The following CA10 variants were observed in gnomAD, a reference collection of about 807,000 sequenced individuals.
The protein encoded by CA10 is carbonic anhydrase 10 (inactive).
In CA10, 14 loss-of-function variants were observed where a neutral mutation model predicts 44.2. The ratio of observed to expected loss-of-function variants is 0.32; its 90% CI spans 0.21 to 0.50. The LOEUF (loss-of-function observed/expected upper bound fraction) is 0.50. Among genes scored for constraint, CA10 ranks in the 20% least tolerant of loss-of-function variants. The pLI, the probability that CA10 is intolerant of heterozygous loss-of-function variation, is 0.99. For synonymous variants in CA10, 159 were observed against 141.6 expected (o/e 1.12, Z -0.87); for missense variants, 350 against 409.7 (o/e 0.85, Z 1.26).
chr17:51,948,821 G>A (rs1598134359), intron 2 of CA10, among the ~76,000 whole-genome samples: 1 of 151,996 alleles, frequency 6.6e-6, no homozygotes, highest in East Asian at 1.9e-4. Flanking sequence ...TTGTAACAGA[G>A]TTACACAGAT....
At chr17:51,824,271 C>T (rs569131616) in intron 3 of CA10, among the ~76,000 whole-genome samples, 132 of 152,202 alleles carry the variant, frequency 8.7e-4, no homozygotes, top group Non-Finnish European at 1.7e-3. Flanking sequence ...CAGATCTGAG[C>T]CAGGATTTAA....
chr17:51,896,396 C>G (rs1981069582), intron 3 of CA10, among the ~76,000 whole-genome samples: 1 of 152,044 alleles, frequency 6.6e-6, no homozygotes. Context: ...TCAGCTCTAT[C>G]CATGTTACTG....
chr17:51,801,977 G>A (rs369652931), intron 3 of CA10, among the ~76,000 whole-genome samples: 1 of 152,198 alleles, frequency 6.6e-6, no homozygotes, highest in African/African-American at 2.4e-5. Flanking sequence ...AGGAGGTGCA[G>A]GGTGTGGTCT....
intron 3 of CA10, among the ~76,000 whole-genome samples, chr17:51,854,361 C>A (rs965146718): frequency 1.3e-5 from 2 of 152,186 alleles, no homozygotes; most frequent in Admixed American, 1.3e-4. Flanking sequence ...CATTGGGAAG[C>A]AATGGCAGAG....
chr17:51,974,376 C>A, intron 2 of CA10, among the ~76,000 whole-genome samples: 1 of 122,716 alleles, frequency 8.1e-6, no homozygotes, highest in African/African-American at 3.0e-5. Flanking sequence ...GAGTGAGACT[C>A]CATCTCATTT....
At chr17:52,146,478 C>T (rs916344156) in intron 1 of CA10, among the ~76,000 whole-genome samples, 8 of 151,660 alleles carry the variant, frequency 5.3e-5, no homozygotes, top group Non-Finnish European at 1.2e-4. Context: ...ATCATGAGGT[C>T]AGGAGATAGA....
intron 3 of CA10, among the ~76,000 whole-genome samples, chr17:51,797,040 C>T (rs1317581796): frequency 6.6e-6 from 1 of 151,844 alleles, no homozygotes; most frequent in African/African-American, 2.4e-5. Context: ...TAGCCACAGA[C>T]CATCTGCCAG....
In CA10 at chr17:51,635,958, G is replaced by T; in HGVS notation, c.686C>A (p.Thr229Asn). The T allele has an allele frequency of 6.2e-7, 1 of 1,608,520 alleles. No homozygotes were observed. The highest frequency in any genetic ancestry group is 8.5e-7 in the Non-Finnish European group (1 of 1,176,172). Residue 229 changes from threonine to asparagine, a missense_variant, in exon 7 of 9, where the codon ACC becomes AAC. Thr to Asn is a moderately conservative substitution (Grantham distance 65). Transcript: ENST00000451037. ...CCCATCGTAAGTGATGAAACTAGAG[G>T]TCTCTGGATATAGTTCCTCTATATT... is the stretch of plus-strand genomic sequence containing the variant. ...GLNIEELYPE[T>N]SSFITYDGSM...
chr17:51,730,598 CTT>C (rs1050406293), intron 4 of CA10, among the ~76,000 whole-genome samples: 1 of 152,142 alleles, frequency 6.6e-6, no homozygotes, highest in Non-Finnish European at 1.5e-5. Context: ...AGCAAACATT[CTT>C]TTTCCTTTAG....
At position 51,921,666 on chromosome 17, in the gene CA10, G is replaced by A. The variant is rs117855883; in HGVS notation, c.279+9324C>T. Reference sequence around the variant, plus strand: ...CAGTGAAGGGTATTGCATGACAATGGCCTCACTTGTCATGGATGTAGAACC... The same window carrying A: ...CAGTGAAGGGTATTGCATGACAATGACCTCACTTGTCATGGATGTAGAACC... On this transcript the variant is annotated intron_variant, in intron 3 of 8. Coordinates refer to ENST00000451037, the MANE Select transcript of CA10 (RefSeq NM_020178.5). 3.3e-5 allele frequency among the ~76,000 whole-genome samples: 5 copies of A among 152,188 alleles called. No homozygotes were observed. The East Asian group carries it at 9.7e-4, about 30-fold the overall frequency.
chr17:51,778,383 G>GCTT (rs1335142712), intron 3 of CA10, among the ~76,000 whole-genome samples: 3 of 152,180 alleles, frequency 2.0e-5, no homozygotes, highest in Non-Finnish European at 2.9e-5. Context: ...TGGAAGTCAA[G>GCTT]CTTGGTCAGC....
intron 1 of CA10, among the ~76,000 whole-genome samples, chr17:52,084,778 C>T (rs1366400086): frequency 6.6e-6 from 1 of 150,932 alleles, no homozygotes; most frequent in Non-Finnish European, 1.5e-5. Flanking sequence ...ACAAGGAAAA[C>T]TCTGGTTTTA....
At chr17:51,889,649 C>A (rs1980770544) in intron 3 of CA10, among the ~76,000 whole-genome samples, 1 of 152,162 alleles carries the variant, frequency 6.6e-6, no homozygotes, top group South Asian at 2.1e-4. Flanking sequence ...TGGGGGCCAC[C>A]TTTGGAGACT....
In CA10 at chr17:51,801,393, A is replaced by G. The variant is rs149191876; in HGVS notation, c.280-53575T>C. Among the ~76,000 whole-genome samples, 65 of 152,282 alleles carry G rather than the reference A, an allele frequency of 4.3e-4. No homozygotes were observed. In the East Asian group the frequency reaches 0.011, roughly 27 times the overall value. ...CTCTTGCAATTTACAAGTATCATCT[A>G]GGAAAGATAAGACAGTAGCTTCATT... On this transcript the variant is annotated intron_variant, in intron 3 of 8. Transcript: ENST00000451037.
At chr17:52,105,095 G>T (rs1988629028) in intron 1 of CA10, among the ~76,000 whole-genome samples, 1 of 151,604 alleles carries the variant, frequency 6.6e-6, no homozygotes, top group Admixed American at 6.6e-5. Context: ...CTTCTCAGGT[G>T]ATTTGTAAGA....
intron 1 of CA10, among the ~76,000 whole-genome samples, chr17:52,129,348 AT>A (rs1326384370): frequency 3.3e-5 from 5 of 152,180 alleles, no homozygotes; most frequent in African/African-American, 1.2e-4. Context: ...CCTCTTCACC[AT>A]TGCAAATATT....
At chr17:51,914,145 C>T (rs543639058) in intron 3 of CA10, among the ~76,000 whole-genome samples, 45 of 152,190 alleles carry the variant, frequency 3.0e-4, no homozygotes, top group African/African-American at 4.6e-4. Context: ...GTGCCTATTA[C>T]GGTTTCCAAA....
intron 3 of CA10, among the ~76,000 whole-genome samples, chr17:51,908,529 TAAG>T (rs1014641803): frequency 6.6e-6 from 1 of 152,204 alleles, no homozygotes; most frequent in Admixed American, 6.5e-5. Flanking sequence ...TTGATTTTGT[TAAG>T]AAGCCGAGTT....
At chr17:51,885,242 C>A (rs1290965597) in intron 3 of CA10, among the ~76,000 whole-genome samples, 3 of 152,072 alleles carry the variant, frequency 2.0e-5, no homozygotes, top group Non-Finnish European at 4.4e-5. Flanking sequence ...GGGATGCAAC[C>A]CATAAAGACT....
Sources: allele counts gnomAD v4.1 joint callset (sites outside exome capture counted in the v4.1 genomes callset), GRCh38; gene constraint gnomAD v4.1.1; transcripts MANE v1.5; gene names NCBI Gene and HGNC (gene_info 2026-07-23, HGNC 2026-07-21).